Variants in CUX1 observed in about 807,000 individuals in gnomAD.
The protein encoded by CUX1 is protein CASP.
Under a neutral mutation model 158.8 loss-of-function variants are expected in CUX1, and 31 were observed. That is an observed-to-expected ratio of 0.20 (90% CI 0.15 to 0.26). CUX1 has a LOEUF of 0.26. Ranked by LOEUF, CUX1 falls within the 10% of genes least tolerant of loss-of-function variation. The pLI, the probability that CUX1 is intolerant of heterozygous loss-of-function variation, is 1.00. For missense variants in CUX1, 1,589 were observed against 2,014.6 expected (o/e 0.79, Z 4.04); for synonymous variants, 879 against 862.1 (o/e 1.02, Z -0.34).
chr7:102,020,509 A>G (rs900673459), intron 2 of CUX1, among the ~76,000 whole-genome samples: 1 of 152,254 alleles, frequency 6.6e-6, no homozygotes, highest in Non-Finnish European at 1.5e-5. Context: ...CGTGACATCC[A>G]GGAAAATAAA....
chr7:101,990,891 C>T (rs112561776), intron 2 of CUX1, among the ~76,000 whole-genome samples: 133 of 152,302 alleles, frequency 8.7e-4, no homozygotes, highest in African/African-American at 2.9e-3. Context: ...CTCACAGCGC[C>T]GCTCAGGTCC....
At chr7:102,087,789 G>A (rs1236764188) in intron 4 of CUX1, among the ~76,000 whole-genome samples, 3 of 151,952 alleles carry the variant, frequency 2.0e-5, no homozygotes, top group African/African-American at 7.3e-5. Flanking sequence ...AACTTTTAAA[G>A]AAATTAAAAA....
chr7:102,208,151 G>C (rs1235253429), intron 20 of CUX1, among the ~76,000 whole-genome samples: 1 of 152,046 alleles, frequency 6.6e-6, no homozygotes, highest in Non-Finnish European at 1.5e-5. Context: ...TCACGCCACT[G>C]CACTCCAAGC....
intron 3 of CUX1, among the ~76,000 whole-genome samples, chr7:102,052,960 A>C (rs1387770822): frequency 6.6e-6 from 1 of 152,124 alleles, no homozygotes. Flanking sequence ...GGCACGTGCC[A>C]CCATGCCCAG....
At chr7:101,999,351 T>C (rs79402577) in intron 2 of CUX1, among the ~76,000 whole-genome samples, 4,154 of 150,672 alleles carry the variant, frequency 0.028, 76 homozygotes, top group Middle Eastern at 0.044. Context: ...CCACCGCGCC[T>C]GGCCGATTTT....
chr7:101,834,111 C>G (rs1385012646), intron 1 of CUX1, among the ~76,000 whole-genome samples: 3 of 150,190 alleles, frequency 2.0e-5, no homozygotes, highest in African/African-American at 2.4e-5. Flanking sequence ...CCTTTAGTGC[C>G]TAGTGTTCTG....
chr7:101,892,151 G>A (rs1453005829), intron 1 of CUX1, among the ~76,000 whole-genome samples: 1 of 152,146 alleles, frequency 6.6e-6, no homozygotes, highest in Non-Finnish European at 1.5e-5. Flanking sequence ...ACTGACCAGC[G>A]GCAGGCTGAA....
chr7:102,024,223 T>C (rs1819723894), intron 2 of CUX1, among the ~76,000 whole-genome samples: 1 of 152,232 alleles, frequency 6.6e-6, no homozygotes. Context: ...CCCTCTTCCA[T>C]TTCTCTGCTA....
chr7:101,886,681 G>A (rs1331948327), intron 1 of CUX1, among the ~76,000 whole-genome samples: 2 of 152,254 alleles, frequency 1.3e-5, no homozygotes, highest in South Asian at 2.1e-4. Flanking sequence ...GCCCATGCCA[G>A]CCTCACTGAG....
At chr7:102,132,868 A>C (rs1182407027) in intron 8 of CUX1, among the ~76,000 whole-genome samples, 1 of 151,752 alleles carries the variant, frequency 6.6e-6, no homozygotes. Context: ...GACAGGGTTC[A>C]CCATGTTGGC....
chr7:101,859,961 C>T (rs1372445146), intron 1 of CUX1, among the ~76,000 whole-genome samples: 1 of 150,682 alleles, frequency 6.6e-6, no homozygotes, highest in African/African-American at 2.4e-5. Flanking sequence ...TTTCTTCCTT[C>T]CCCTTTCTTT....
chr7:101,816,053 T>C, upstream of CUX1: 1 of 1,414,924 alleles, frequency 7.1e-7, no homozygotes, highest in East Asian at 3.6e-5. Flanking sequence ...GTGGGATCGA[T>C]GTTTCAATAT....
At chr7:101,922,707 G>A (rs1805095896) in intron 2 of CUX1, among the ~76,000 whole-genome samples, 1 of 152,214 alleles carries the variant, frequency 6.6e-6, no homozygotes, top group Non-Finnish European at 1.5e-5. Context: ...TGACAGATGA[G>A]TACCAAGGCC....
At chr7:102,016,784 C>T (rs1001731381) in intron 2 of CUX1, among the ~76,000 whole-genome samples, 16 of 152,188 alleles carry the variant, frequency 1.1e-4, no homozygotes, top group African/African-American at 2.2e-4. Flanking sequence ...ATTATTCTTA[C>T]GGATAGACTC....
At chr7:101,859,949 C>T (rs576662000) in intron 1 of CUX1, among the ~76,000 whole-genome samples, 165 of 149,600 alleles carry the variant, frequency 1.1e-3, no homozygotes, top group African/African-American at 3.9e-3. Context: ...TCCTTCCTTC[C>T]TTTTCTTCCT....
rs781904320 is a variant in CUX1 at position 102,201,309 on chromosome 7, C to G, written c.2063-51C>G. Reference sequence around the variant, plus strand: ...CAAGTTAGGATGAGAAGCATGTCCCCAGCTGAAGGGGGCCGCCCTGCCACA... The same window carrying G: ...CAAGTTAGGATGAGAAGCATGTCCCGAGCTGAAGGGGGCCGCCCTGCCACA... On this transcript the variant is annotated intron_variant, in intron 17 of 23. Coordinates refer to ENST00000292535, the MANE Select transcript of CUX1 (RefSeq NM_181552.4). This position sits in a 1 kb window ranked among gnomAD's most constrained non-coding sequence, Gnocchi z 5.0. The G allele has an allele frequency of 2.5e-6, 4 of 1,580,436 alleles. No individual in the cohort carries two copies. Among genetic ancestry groups the G allele is most frequent in the Non-Finnish European group, 3.4e-6 (4 of 1,162,422 alleles).
intron 1 of CUX1, among the ~76,000 whole-genome samples, chr7:101,870,705 G>A (rs1447778989): frequency 1.3e-5 from 2 of 152,194 alleles, no homozygotes; most frequent in East Asian, 3.8e-4. Flanking sequence ...GGATTACAGA[G>A]CGGCAAACAA....
intron 20 of CUX1, among the ~76,000 whole-genome samples, chr7:102,206,438 T>C (rs1316158293): frequency 6.6e-6 from 1 of 152,186 alleles, no homozygotes; most frequent in African/African-American, 2.4e-5. Flanking sequence ...GGGGAAATAA[T>C]GGACATAGCT....
rs187104575 is a variant in CUX1, at chr7:102,254,604, C to T, written c.*5562C>T. Reference sequence around the variant, plus strand: ...CTGGAGACAGTTTGCAAGTAAGAACCTAAGGATGGGGACAGCATCCTGTGC... The same window carrying T: ...CTGGAGACAGTTTGCAAGTAAGAACTTAAGGATGGGGACAGCATCCTGTGC... On this transcript the variant is annotated 3_prime_UTR_variant, in exon 24 of 24. Transcript: ENST00000292535. The T allele has an allele frequency of 1.0e-6, 1 of 985,430 alleles. No individual in the cohort carries two copies. The highest frequency in any genetic ancestry group is 1.2e-6 in the Non-Finnish European group (1 of 829,942). The allele number at this position is 985,430 out of a possible 1,614,324, so 61.0% of individuals were successfully genotyped here.
Sources: allele counts gnomAD v4.1 joint callset (sites outside exome capture counted in the v4.1 genomes callset), GRCh38; gene constraint gnomAD v4.1.1; non-coding constraint Gnocchi (gnomAD v3.1); transcripts MANE v1.5; gene names NCBI Gene and HGNC (gene_info 2026-07-23, HGNC 2026-07-21).